SUMF1: variants seen among roughly 807,000 people sequenced by gnomAD.
SUMF1 encodes sulfatase modifying factor 1, also known as formylglycine-generating enzyme.
In SUMF1, 48 loss-of-function variants were observed where a neutral mutation model predicts 47.6. The ratio of observed to expected loss-of-function variants is 1.01; its 90% CI spans 0.80 to 1.28. The LOEUF is 1.28. Among genes scored for constraint, SUMF1 ranks in the 50% most tolerant of loss-of-function variants. The probability of loss-of-function intolerance (pLI) is 0.00; values close to 1 mark genes in which losing one functional copy is unlikely to be tolerated. For synonymous variants in SUMF1, 230 were observed against 192.1 expected, an observed-to-expected ratio of 1.20 and a Z score of -1.63; for missense variants, 571 against 485.4, an observed-to-expected ratio of 1.18 and a Z score of -1.66.
chr3:4,218,893 T>C (rs193046780), intron 8 of SUMF1, among the ~76,000 whole-genome samples: 2 of 152,274 alleles, frequency 1.3e-5, no homozygotes, highest in African/African-American at 4.8e-5. Context: ...GTGTGGGTTT[T>C]TCTTAAGCTT....
intron 3 of SUMF1, among the ~76,000 whole-genome samples, chr3:4,425,485 A>G (rs1271702118): frequency 2.0e-5 from 3 of 152,116 alleles, no homozygotes; most frequent in African/African-American, 7.2e-5. Context: ...ATCTACCCCC[A>G]TATCTGTTCA....
chr3:4,223,456 G>C (rs1172927690), intron 8 of SUMF1, among the ~76,000 whole-genome samples: 1 of 152,068 alleles, frequency 6.6e-6, no homozygotes, highest in Non-Finnish European at 1.5e-5. Flanking sequence ...ACAGTGCCTG[G>C]AGCATAGCAG....
chr3:4,066,336 G>C lies in SUMF1; in HGVS notation c.1191+2233C>G, dbSNP rs562991298. ...GATCTTTTTTCATGAAAATATGAGA[G>C]TAAAAAGTGAGGAGATAACTAGTTA... On this transcript the variant is annotated intron_variant and NMD_transcript_variant, in intron 9 of 12. Transcript: ENST00000448413. Among the ~76,000 whole-genome samples, 7 of 152,000 alleles carry C rather than the reference G, an allele frequency of 4.6e-5. No homozygotes were observed. The South Asian group carries it at 1.5e-3, about 32-fold the overall frequency.
At position 4,462,429 on chromosome 3, in the gene SUMF1, C is replaced by G. The variant is rs568105350; in HGVS notation, c.270+4547G>C. Among the ~76,000 whole-genome samples the G allele has an allele frequency of 2.0e-3, 312 of 152,348 alleles. 1 individual carries two copies. Among genetic ancestry groups the G allele is most frequent in the Non-Finnish European group, 3.6e-3 (243 of 68,040 alleles). The stretch of plus-strand genomic sequence containing the variant: ...GCCAAAGAGAAAGGCCTTGGAGATG[C>G]TGCCTGAGGCCCTGTATCCAGGTGT... On this transcript the variant is annotated intron_variant, in intron 1 of 8. Coordinates refer to ENST00000272902, the MANE Select transcript of SUMF1 (RefSeq NM_182760.4).
chr3:4,418,002 C>T lies in SUMF1; in HGVS notation c.725+8G>A. On this transcript the variant is annotated splice_region_variant and intron_variant, in intron 5 of 8. Transcript: ENST00000272902. ...ATATTGTCAGGCAAAATGAGATCCT[C>T]TAAATACCTATTATGCAGGCCTCCT... 6.2e-7 allele frequency: 1 copy of T among 1,613,864 alleles called. No homozygotes were observed.
In SUMF1 at chr3:4,078,858, A is replaced by C. The variant is rs61569695; in HGVS notation, c.1015-10113T>G. On this transcript the variant is annotated intron_variant and NMD_transcript_variant, in intron 8 of 12. Transcript: ENST00000448413. ...TGGGACAGAGAGGGGTTTAATAACT[A>C]CCTCAAGGTCATCATCTAATCAATA... Among the ~76,000 whole-genome samples the C allele has an allele frequency of 5.8e-3, 889 of 152,262 alleles. 19 individuals carry two copies. Among genetic ancestry groups the C allele is most frequent in the African/African-American group, 0.021 (854 of 41,532 alleles).
downstream of SUMF1, among the ~76,000 whole-genome samples, chr3:4,358,427 C>CTCGG (rs1398282088): frequency 1.3e-5 from 2 of 152,154 alleles, no homozygotes. Context: ...AAACGGTCTG[C>CTCGG]TCGGCTCCAA....
At chr3:4,304,699 T>C (rs1401920109) in intron 8 of SUMF1, among the ~76,000 whole-genome samples, 1 of 152,198 alleles carries the variant, frequency 6.6e-6, no homozygotes. Context: ...CTAGGGGTTT[T>C]TGTGAGGATC....
intron 9 of SUMF1, among the ~76,000 whole-genome samples, chr3:4,039,208 AAT>A (rs1491092115): frequency 3.5e-4 from 16 of 46,186 alleles, no homozygotes; most frequent in East Asian, 1.0e-3. Flanking sequence ...CATCTATGCA[AAT>A]TTTTTTTTTT....
chr3:4,401,917 A>C (rs1701224782), intron 7 of SUMF1, among the ~76,000 whole-genome samples: 1 of 152,174 alleles, frequency 6.6e-6, no homozygotes, highest in Non-Finnish European at 1.5e-5. Flanking sequence ...AGCACACTGA[A>C]GTAAGGAAGA....
At chr3:4,160,375 G>C (rs1050280334) in intron 8 of SUMF1, among the ~76,000 whole-genome samples, 3 of 152,008 alleles carry the variant, frequency 2.0e-5, no homozygotes, top group Non-Finnish European at 4.4e-5. Flanking sequence ...AAGTAGCTGG[G>C]ACTACAAGTA....
intron 1 of SUMF1, among the ~76,000 whole-genome samples, chr3:4,454,099 A>C (rs1703072531): frequency 6.6e-6 from 1 of 152,232 alleles, no homozygotes; most frequent in African/African-American, 2.4e-5. Flanking sequence ...AACAATCATG[A>C]AAAAGGCTTA....
chr3:4,397,619 A>G (rs1340681906), intron 7 of SUMF1, among the ~76,000 whole-genome samples: 2 of 152,170 alleles, frequency 1.3e-5, no homozygotes, highest in African/African-American at 2.4e-5. Context: ...GGACGTTTTG[A>G]AAGTGGATAA....
At chr3:4,254,053 C>T (rs1696882163) in intron 8 of SUMF1, among the ~76,000 whole-genome samples, 1 of 151,490 alleles carries the variant, frequency 6.6e-6, no homozygotes, top group African/African-American at 2.4e-5. Flanking sequence ...GCTGAGGGTC[C>T]TGTCTGTTAG....
At chr3:4,103,918 G>A (rs1000585540) in intron 8 of SUMF1, among the ~76,000 whole-genome samples, 1 of 152,102 alleles carries the variant, frequency 6.6e-6, no homozygotes, top group East Asian at 1.9e-4. Flanking sequence ...TTTTCATTTT[G>A]ATGATAACAC....
chr3:4,270,787 T>C (rs1697287354), intron 8 of SUMF1, among the ~76,000 whole-genome samples: 1 of 152,196 alleles, frequency 6.6e-6, no homozygotes, highest in African/African-American at 2.4e-5. Flanking sequence ...AATATTGATA[T>C]TAACAAAGAT....
intron 8 of SUMF1, among the ~76,000 whole-genome samples, chr3:4,258,672 A>T (rs913231430): frequency 5.3e-5 from 8 of 150,988 alleles, no homozygotes; most frequent in African/African-American, 1.5e-4. Context: ...GTGGGACTGT[A>T]AACTGGTTCA....
At chr3:4,201,322 T>TCTAC (rs566134113) in intron 8 of SUMF1, among the ~76,000 whole-genome samples, 33 of 152,180 alleles carry the variant, frequency 2.2e-4, no homozygotes, top group Admixed American at 2.1e-3. Context: ...TAACCATCAT[T>TCTAC]CTACTACTCT....
At chr3:4,095,368 T>C (rs536510606) in intron 8 of SUMF1, among the ~76,000 whole-genome samples, 2 of 152,088 alleles carry the variant, frequency 1.3e-5, no homozygotes, top group African/African-American at 4.8e-5. Context: ...GAAACCTCCA[T>C]GGCTGCAGAA....
Sources: allele counts gnomAD v4.1 joint callset (sites outside exome capture counted in the v4.1 genomes callset), GRCh38; gene constraint gnomAD v4.1.1; transcripts MANE v1.5; gene names NCBI Gene and HGNC (gene_info 2026-07-23, HGNC 2026-07-21).